The following LGMN variants were observed in gnomAD, a reference collection of about 807,000 sequenced individuals.
LGMN encodes the protein legumain.
LGMN carries 36 observed loss-of-function variants against 56.8 expected under a neutral mutation model. The ratio of observed to expected loss-of-function variants is 0.63; its 90% CI spans 0.49 to 0.84. The LOEUF (loss-of-function observed/expected upper bound fraction) is 0.84. Among genes scored for constraint, LGMN ranks in the 40% least tolerant of loss-of-function variants. The pLI is 0.00. For synonymous variants in LGMN, 199 were observed against 210.1 expected, an observed-to-expected ratio of 0.95 and a Z score of 0.46; for missense variants, 446 against 556.1, an observed-to-expected ratio of 0.80 and a Z score of 1.99.
intron 2 of LGMN, among the ~76,000 whole-genome samples, chr14:92,727,383 T>C (rs755391435): frequency 6.8e-6 from 1 of 147,248 alleles, no homozygotes; most frequent in African/African-American, 2.5e-5. Context: ...TGAGCCGAGA[T>C]TGCACCACTA....
chr14:92,739,008 ACT>A (rs1345203737), intron 1 of LGMN, among the ~76,000 whole-genome samples: 1 of 145,674 alleles, frequency 6.9e-6, no homozygotes, highest in Non-Finnish European at 1.5e-5. Context: ...ACAGAGCAAG[ACT>A]CTGTCTCAAA....
At position 92,716,186 on chromosome 14, in the gene LGMN, T is replaced by C. The variant is rs1890064049; in HGVS notation, c.354A>G (p.Arg118=). ...VTPQNFLAVL[R]GDAEAVKGIG... ...TGCCCTTCACTGCTTCTGCATCGCC[T>C]CTCAACACAGCAAGGAAATTTTGTG... The change falls in exon 5 of 14, where the codon AGA becomes AGG. Residue 118 remains arginine, a synonymous_variant. Transcript: ENST00000334869. 3 of 1,613,444 alleles carry C rather than the reference T, an allele frequency of 1.9e-6. No individual in the cohort carries two copies. The highest frequency in any genetic ancestry group is 2.5e-6 in the Non-Finnish European group (3 of 1,179,588).
chr14:92,704,429 C>A (rs951712975), intron 13 of LGMN, 68 bp from the exon 14 acceptor site: 1 of 1,337,854 alleles, frequency 7.5e-7, no homozygotes, highest in South Asian at 1.2e-5. Flanking sequence ...CAAACGCAAA[C>A]CCACATGCGG....
chr14:92,721,612 CCA>C, intron 2 of LGMN, among the ~76,000 whole-genome samples: 1 of 152,338 alleles, frequency 6.6e-6, no homozygotes, highest in Admixed American at 6.5e-5. Flanking sequence ...TGAGGTTGAA[CCA>C]CACACCCTCC....
At chr14:92,707,777 A>T (rs1889518448) in intron 11 of LGMN, among the ~76,000 whole-genome samples, 1 of 152,240 alleles carries the variant, frequency 6.6e-6, no homozygotes, top group Non-Finnish European at 1.5e-5. Context: ...CAATAGTTAA[A>T]CAGTCTTGGA....
intron 11 of LGMN, among the ~76,000 whole-genome samples, chr14:92,708,980 A>G (rs528735678): frequency 2.0e-5 from 3 of 151,708 alleles, no homozygotes; most frequent in South Asian, 4.2e-4. Flanking sequence ...GTGGGAAGGG[A>G]CAGGCAGCCC....
chr14:92,710,222 G>C (rs1329258080), intron 10 of LGMN, among the ~76,000 whole-genome samples: 1 of 152,246 alleles, frequency 6.6e-6, no homozygotes, highest in Non-Finnish European at 1.5e-5. Context: ...CATCAGCAGT[G>C]CCCTTCATAT....
intron 11 of LGMN, among the ~76,000 whole-genome samples, chr14:92,706,960 G>T (rs558869030): frequency 7.9e-5 from 12 of 152,202 alleles, no homozygotes; most frequent in African/African-American, 2.9e-4. Context: ...CGACTGTGCC[G>T]TGAGGGTGCT....
rs761753593 is a variant in LGMN, at chr14:92,704,223, G to A, written c.*96C>T. ...GAGCGGGGGCTCCCCAGGAGGGCCCGAGCAGCGGAGACTTCTCACTCCACC... is the reference window on the plus strand; with the variant it reads ...GAGCGGGGGCTCCCCAGGAGGGCCCAAGCAGCGGAGACTTCTCACTCCACC... On this transcript the variant is annotated 3_prime_UTR_variant, in exon 14 of 14. Transcript: ENST00000334869. 20 of 1,536,216 alleles carry A rather than the reference G, an allele frequency of 1.3e-5. No individual in the cohort carries two copies. Among genetic ancestry groups the A allele is most frequent in the East Asian group, 1.1e-4 (5 of 44,520 alleles).
chr14:92,744,659 G>A (rs1260925129), intron 1 of LGMN, among the ~76,000 whole-genome samples: 2 of 146,290 alleles, frequency 1.4e-5, no homozygotes, highest in African/African-American at 5.1e-5. Flanking sequence ...GCAACGGCAC[G>A]ATCTTGGCTC....
At chr14:92,725,350 AC>A (rs1020788808) in intron 2 of LGMN, among the ~76,000 whole-genome samples, 2 of 151,830 alleles carry the variant, frequency 1.3e-5, no homozygotes, top group Non-Finnish European at 2.9e-5. Context: ...GGAGTTTGAG[AC>A]CAGCCTGGGA....
At chr14:92,731,168 A>G (rs1179557424) in intron 2 of LGMN, among the ~76,000 whole-genome samples, 1 of 152,102 alleles carries the variant, frequency 6.6e-6, no homozygotes, top group Non-Finnish European at 1.5e-5. Context: ...ATGGCACATA[A>G]CCCCACTGCA....
rs149481204 is a variant in LGMN, at chr14:92,705,305, C to T, written c.1192-598G>A. 3.7e-3 allele frequency among the ~76,000 whole-genome samples: 560 copies of T among 152,214 alleles called. 4 individuals are homozygous for T. Among genetic ancestry groups the T allele is most frequent in the Non-Finnish European group, 6.3e-3 (430 of 68,014 alleles). On this transcript the variant is annotated intron_variant, in intron 12 of 13. Coordinates refer to ENST00000334869, the MANE Select transcript of LGMN (RefSeq NM_005606.7). ...TCACCTGAGGCCAGAAGTTCAGGACCAGCCTGGACAACATGGTGAAACCCT... is the reference window on the plus strand; with the variant it reads ...TCACCTGAGGCCAGAAGTTCAGGACTAGCCTGGACAACATGGTGAAACCCT...
At chr14:92,723,324 T>C (rs60249632) in intron 2 of LGMN, among the ~76,000 whole-genome samples, 22,768 of 152,076 alleles carry the variant, frequency 0.15, 2,941 homozygotes, top group African/African-American at 0.33. Flanking sequence ...GGATTACAGG[T>C]GTGAGCCACC....
intron 2 of LGMN, among the ~76,000 whole-genome samples, chr14:92,729,243 T>C (rs1890906564): frequency 6.6e-6 from 1 of 150,426 alleles, no homozygotes; most frequent in African/African-American, 2.4e-5. Context: ...TCTGCCTCTG[T>C]CCCCACTCCC....
At chr14:92,738,720 C>T (rs1891416171) in intron 1 of LGMN, among the ~76,000 whole-genome samples, 1 of 151,806 alleles carries the variant, frequency 6.6e-6, no homozygotes, top group South Asian at 2.1e-4. Flanking sequence ...GAAAATGCTA[C>T]TTTAAAAACC....
chr14:92,730,654 A>G (rs931720481), intron 2 of LGMN, among the ~76,000 whole-genome samples: 1 of 152,150 alleles, frequency 6.6e-6, no homozygotes, highest in East Asian at 1.9e-4. Context: ...GGTTTAAAGA[A>G]GATATTAAGG....
chr14:92,722,294 A>G lies in LGMN; in HGVS notation c.139-3450T>C, dbSNP rs1436794704. 2.6e-5 allele frequency among the ~76,000 whole-genome samples: 4 copies of G among 152,290 alleles called. No homozygotes were observed. The East Asian group carries it at 5.8e-4, about 22-fold the overall frequency. ...TTTAATTTAAAAATGAAGTCAGGCC[A>G]GGCGCAGTGGCTCACACCTGTAATT... On this transcript the variant is annotated intron_variant, in intron 2 of 13. Transcript: ENST00000334869.
chr14:92,743,896 C>T (rs1191131510), intron 1 of LGMN, among the ~76,000 whole-genome samples: 1 of 152,066 alleles, frequency 6.6e-6, no homozygotes, highest in East Asian at 1.9e-4. Flanking sequence ...TGGCTCATGC[C>T]TGTAATCCCA....
Sources: allele counts gnomAD v4.1 joint callset (sites outside exome capture counted in the v4.1 genomes callset), GRCh38; gene constraint gnomAD v4.1.1; transcripts MANE v1.5; gene names NCBI Gene and HGNC (gene_info 2026-07-23, HGNC 2026-07-21).